SIPA1L3: variants seen among roughly 807,000 people sequenced by gnomAD.
SIPA1L3 encodes signal induced proliferation associated 1 like 3.
SIPA1L3 carries 59 observed loss-of-function variants against 150.1 expected under a neutral mutation model. The ratio of observed to expected loss-of-function variants is 0.39; its 90% CI spans 0.32 to 0.49. The LOEUF (loss-of-function observed/expected upper bound fraction) is 0.49. Among genes scored for constraint, SIPA1L3 ranks in the 20% least tolerant of loss-of-function variants. The pLI, the probability that SIPA1L3 is intolerant of heterozygous loss-of-function variation, is 0.86. For missense variants in SIPA1L3, 2,211 were observed against 2,489.5 expected, an observed-to-expected ratio of 0.89 and a Z score of 2.38; for synonymous variants, 1,070 against 1,077.6, an observed-to-expected ratio of 0.99 and a Z score of 0.14.
intron 1 of SIPA1L3, among the ~76,000 whole-genome samples, chr19:37,940,074 T>C (rs1255953920): frequency 1.3e-5 from 2 of 152,162 alleles, no homozygotes; most frequent in African/African-American, 4.8e-5. Flanking sequence ...AGCAGCTAGA[T>C]AGTAAGCAAG....
intron 1 of SIPA1L3, among the ~76,000 whole-genome samples, chr19:38,015,456 A>T (rs777986140): frequency 4.9e-4 from 75 of 151,930 alleles, no homozygotes; most frequent in Non-Finnish European, 4.7e-4. Flanking sequence ...AGGTACGGTG[A>T]CTCATGCCTG....
intron 6 of SIPA1L3, among the ~76,000 whole-genome samples, chr19:38,102,909 G>C (rs1970538955): frequency 6.6e-6 from 1 of 152,088 alleles, no homozygotes; most frequent in South Asian, 2.1e-4. Flanking sequence ...TGGATCACCT[G>C]AGGTCAGGAG....
chr19:38,082,254 C>T lies in SIPA1L3; in HGVS notation c.689C>T (p.Pro230Leu), dbSNP rs45572940. 0.029 allele frequency: 46,643 copies of T among 1,600,736 alleles called. 794 individuals are homozygous for T. Among genetic ancestry groups the T allele is most frequent in the Non-Finnish European group, 0.035 (41,635 of 1,179,698 alleles). The change falls in exon 3 of 22, where the codon CCC becomes CTC. Residue 230 changes from proline (P) to leucine (L), a missense_variant. Pro to Leu is a moderately conservative substitution (Grantham distance 98, BLOSUM62 -3). Coordinates refer to ENST00000222345, the MANE Select transcript of SIPA1L3 (RefSeq NM_015073.3). Reference protein sequence around the residue: ...DILNEFRSEQPDARGCQALTE... With the variant: ...DILNEFRSEQLDARGCQALTE... ...CTGAACGAGTTCCGCAGCGAGCAGC[C>T]CGACGCCCGAGGGTGCCAGGCCCTC...
intron 1 of SIPA1L3, among the ~76,000 whole-genome samples, chr19:37,926,013 A>G (rs916245960): frequency 3.3e-5 from 5 of 152,316 alleles, no homozygotes; most frequent in African/African-American, 1.2e-4. Context: ...CCTGATGGTG[A>G]CCAGTTCCTT....
chr19:38,063,098 A>G (rs1969487077), intron 2 of SIPA1L3, among the ~76,000 whole-genome samples: 1 of 152,144 alleles, frequency 6.6e-6, no homozygotes, highest in African/African-American at 2.4e-5. Context: ...GGTTTGTGTT[A>G]TGGTGTCATG....
Position 38,153,687 on chromosome 19 carries a change from A to G in SIPA1L3, c.3661+720A>G, listed in dbSNP as rs1218503088. The stretch of plus-strand genomic sequence containing the variant: ...TCTGTCTCAAAAAAAAAAAAAAAAG[A>G]GGCCAGGCCAAGGCGGGCGGATAAT... On this transcript the variant is annotated intron_variant, in intron 13 of 21. Coordinates refer to ENST00000222345, the MANE Select transcript of SIPA1L3 (RefSeq NM_015073.3). 3.7e-5 allele frequency among the ~76,000 whole-genome samples: 5 copies of G among 133,834 alleles called. No homozygotes were observed. In the East Asian group the frequency reaches 1.1e-3, roughly 28 times the overall value. The allele number at this position is 133,834 out of a possible 152,430, so 87.8% of individuals were successfully genotyped here.
intron 1 of SIPA1L3, among the ~76,000 whole-genome samples, chr19:37,997,565 C>T (rs1198196071): frequency 2.7e-5 from 1 of 36,546 alleles, no homozygotes; most frequent in African/African-American, 1.3e-4. Flanking sequence ...GAGACTGTCT[C>T]ATTAAAAAAA....
intron 1 of SIPA1L3, among the ~76,000 whole-genome samples, chr19:37,916,028 A>G (rs1205449207): frequency 6.6e-6 from 1 of 151,760 alleles, no homozygotes; most frequent in Non-Finnish European, 1.5e-5. Flanking sequence ...TGCAAAAAAA[A>G]AAAAAGTTTT....
chr19:38,130,540 C>T lies in SIPA1L3; in HGVS notation c.2911C>T (p.Arg971Trp), dbSNP rs746192950. The T allele has an allele frequency of 5.0e-6, 8 of 1,613,188 alleles. No homozygotes were observed. Among genetic ancestry groups the T allele is most frequent in the African/African-American group, 1.3e-5 (1 of 74,916 alleles). ...GGAGACGGTGGACATGACGCTTCGGCGGAACGGGCTCGGGCAGCTGGGCTT... is the reference window on the plus strand; with the variant it reads ...GGAGACGGTGGACATGACGCTTCGGTGGAACGGGCTCGGGCAGCTGGGCTT... ...GWETVDMTLRRNGLGQLGFHV... is the reference protein window; with the variant it reads ...GWETVDMTLRWNGLGQLGFHV... The change falls in exon 10 of 22, where the codon CGG becomes TGG. Residue 971 changes from arginine to tryptophan, a missense_variant. Around this residue, in one of 5 missense-constraint regions of SIPA1L3, gnomAD observed 625 missense variants for 804.2 expected, o/e 0.78. Transcript: ENST00000222345.
intron 1 of SIPA1L3, among the ~76,000 whole-genome samples, chr19:37,926,270 G>C (rs1356504622): frequency 1.3e-5 from 2 of 152,154 alleles, no homozygotes; most frequent in African/African-American, 2.4e-5. Context: ...TGTAACACCA[G>C]GGCGTGAAAA....
intron 1 of SIPA1L3, among the ~76,000 whole-genome samples, chr19:37,945,187 G>T (rs1344746693): frequency 1.3e-5 from 2 of 151,820 alleles, no homozygotes; most frequent in Non-Finnish European, 2.9e-5. Context: ...TTTGTGCCAT[G>T]GTAAAGTCAA....
At chr19:38,162,188 C>CAGA in intron 13 of SIPA1L3, 65 bp from the exon 14 acceptor site, 4 of 1,296,770 alleles carry the variant, frequency 3.1e-6, no homozygotes, top group African/African-American at 2.9e-5. Context: ...GGCAAAGGGT[C>CAGA]CAGATTCTTC....
At chr19:38,138,343 G>A (rs1296806922) in intron 10 of SIPA1L3, among the ~76,000 whole-genome samples, 2 of 152,080 alleles carry the variant, frequency 1.3e-5, no homozygotes, top group South Asian at 2.1e-4. Flanking sequence ...TCTGTGCCTC[G>A]GTTTACTTGT....
At chr19:38,129,122 A>C (rs1971250021) in intron 9 of SIPA1L3, among the ~76,000 whole-genome samples, 1 of 152,070 alleles carries the variant, frequency 6.6e-6, no homozygotes, top group African/African-American at 2.4e-5. Context: ...TTTTTATCCC[A>C]AGAAGAGGGG....
At position 38,119,616 on chromosome 19, in the gene SIPA1L3, G is replaced by T. The variant is rs757794718; in HGVS notation, c.2602G>T (p.Ala868Ser). Residue 868 changes from alanine to serine, a missense_variant, in exon 9 of 22, where the codon GCA becomes TCA. By Grantham distance (99) the Ala-to-Ser change is moderately conservative. Around this residue, in one of 5 missense-constraint regions of SIPA1L3, gnomAD observed 625 missense variants for 804.2 expected, o/e 0.78. Coordinates refer to ENST00000222345, the MANE Select transcript of SIPA1L3 (RefSeq NM_015073.3). ...KARAGAEQHS[A>S]GAIAWRVVAQ... ...ACGGGCTGGCGCTGAGCAGCACAGT[G>T]CAGGGGCCATCGCCTGGAGGGTGGT... 5 of 1,614,134 alleles carry T rather than the reference G, an allele frequency of 3.1e-6. No individual in the cohort carries two copies. In the African/African-American group the frequency reaches 6.7e-5, roughly 22 times the overall value.
chr19:37,973,537 A>G (rs78684050), intron 1 of SIPA1L3, among the ~76,000 whole-genome samples: 1 of 51,992 alleles, frequency 1.9e-5, no homozygotes, highest in African/African-American at 1.2e-4. Flanking sequence ...GCCTGGCCAA[A>G]AAAAAAAAAA....
chr19:38,195,462 C>T (rs960084291), intron 18 of SIPA1L3, among the ~76,000 whole-genome samples: 2 of 152,164 alleles, frequency 1.3e-5, no homozygotes, highest in Non-Finnish European at 2.9e-5. Context: ...GAGCACACCC[C>T]TGCCCTCACA....
Position 38,193,616 on chromosome 19 carries a change from G to A in SIPA1L3, c.4676G>A (p.Ser1559Asn). ...CSGRREPSFA[S>N]PAGLEPGLPS... Reference sequence around the variant, plus strand: ...GGGCGCCGGGAGCCCAGCTTCGCCAGCCCCGCTGGCCTAGAGCCAGGGCTG... The same window carrying A: ...GGGCGCCGGGAGCCCAGCTTCGCCAACCCCGCTGGCCTAGAGCCAGGGCTG... Residue 1559 changes from serine (S) to asparagine (N), a missense_variant, in exon 18 of 22, where the codon AGC (serine) becomes AAC (asparagine). Around this residue, in one of 5 missense-constraint regions of SIPA1L3, gnomAD observed 806 missense variants for 870.1 expected, o/e 0.93. Transcript: ENST00000222345. 6.4e-7 allele frequency: 1 copy of A among 1,568,902 alleles called. No individual in the cohort carries two copies. The highest frequency in any genetic ancestry group is 8.6e-7 in the Non-Finnish European group (1 of 1,166,836).
chr19:38,065,244 G>A (rs1301875956), intron 2 of SIPA1L3, among the ~76,000 whole-genome samples: 3 of 151,932 alleles, frequency 2.0e-5, no homozygotes, highest in African/African-American at 4.8e-5. Flanking sequence ...GCCAGGCCAC[G>A]GAGGACTCTG....
Sources: allele counts gnomAD v4.1 joint callset (sites outside exome capture counted in the v4.1 genomes callset), GRCh38; gene constraint gnomAD v4.1.1; regional missense constraint gnomAD v4.1.1; transcripts MANE v1.5; gene names NCBI Gene and HGNC (gene_info 2026-07-23, HGNC 2026-07-21).